The following ZNF225 variants were observed in gnomAD, a reference collection of about 807,000 sequenced individuals.
ZNF225 encodes zinc finger protein 225.
A neutral mutation model predicts 12.0 loss-of-function variants in ZNF225; 6 were observed. The ratio of observed to expected loss-of-function variants is 0.50; its 90% CI spans 0.27 to 0.98. The LOEUF is 0.98. Ranked by LOEUF, ZNF225 falls within the 50% of genes least tolerant of loss-of-function variation. ZNF225 has a pLI of 0.11. For missense variants in ZNF225, 763 were observed against 848.2 expected, an observed-to-expected ratio of 0.90 and a Z score of 1.25; for synonymous variants, 271 against 283.2, an observed-to-expected ratio of 0.96 and a Z score of 0.43.
intron 2 of ZNF225, 42 bp downstream of exon 2, chr19:44,115,884 T>G (rs1213795147): frequency 6.2e-7 from 1 of 1,604,332 alleles, no homozygotes; most frequent in East Asian, 2.2e-5. Context: ...ATTTCTTTTA[T>G]GGAGACTTGT....
intron 4 of ZNF225, among the ~76,000 whole-genome samples, chr19:44,127,422 T>A (rs1968170279): frequency 6.6e-6 from 1 of 152,176 alleles, no homozygotes; most frequent in Non-Finnish European, 1.5e-5. Flanking sequence ...GTCCACTTCC[T>A]TCAGAGGGTC....
Position 44,118,557 on chromosome 19 carries a change from A to G in ZNF225, c.218A>G (p.Gln73Arg), listed in dbSNP as rs759809853. ...EKFWMMETAT[Q>R]REGNLGGKIQ... is the part of the protein sequence containing the mutation. ...TTTTGGATGATGGAGACAGCAACCCAAAGAGAAGGGAATTTAGGTAAGAAG... is the reference window on the plus strand; with the variant it reads ...TTTTGGATGATGGAGACAGCAACCCGAAGAGAAGGGAATTTAGGTAAGAAG... Residue 73 changes from glutamine (Q) to arginine (R), a missense_variant, in exon 4 of 5, where the codon CAA becomes CGA. By Grantham distance (43) the Gln-to-Arg change is conservative (BLOSUM62 1). Coordinates refer to ENST00000262894, the MANE Select transcript of ZNF225 (RefSeq NM_013362.4). The G allele has an allele frequency of 2.5e-5, 41 of 1,612,816 alleles. No individual in the cohort carries two copies. In the Middle Eastern group the frequency reaches 8.2e-4, roughly 32 times the overall value.
chr19:44,130,570 C>T (rs949097813), intron 4 of ZNF225: 2 of 267,944 alleles, frequency 7.5e-6, no homozygotes, highest in Middle Eastern at 1.2e-3. Flanking sequence ...TGGTGGCGGG[C>T]GCCTATAGTC....
intron 2 of ZNF225, 79 bp from the exon 3 acceptor site, chr19:44,118,109 C>T (rs888866315): frequency 2.0e-6 from 3 of 1,484,448 alleles, no homozygotes; most frequent in Admixed American, 2.3e-5. Context: ...CTCATTCCTC[C>T]CCTCTGTCTG....
At chr19:44,123,223 T>A (rs1354594679) in intron 4 of ZNF225, among the ~76,000 whole-genome samples, 1 of 152,216 alleles carries the variant, frequency 6.6e-6, no homozygotes, top group African/African-American at 2.4e-5. Context: ...TTTTGTCAGA[T>A]GCTTTTTCTA....
chr19:44,118,140 A>G, intron 2 of ZNF225, 48 bp from the exon 3 acceptor site: 3 of 1,580,652 alleles, frequency 1.9e-6, no homozygotes, highest in South Asian at 1.2e-5. Context: ...CCCCTCTCTC[A>G]GTAGTCATTG....
chr19:44,122,532 A>T (rs1968074856), intron 4 of ZNF225, among the ~76,000 whole-genome samples: 1 of 152,204 alleles, frequency 6.6e-6, no homozygotes, highest in African/African-American at 2.4e-5. Context: ...AATTCTATGA[A>T]GAATGATGGT....
rs932918774 is a variant in ZNF225, at chr19:44,115,692, G to A, written c.-68-68G>A. The A allele has an allele frequency of 2.5e-5, 18 of 732,062 alleles. 1 individual carries two copies. The highest frequency in any genetic ancestry group is 4.2e-5 in the South Asian group (2 of 47,674). 45.3% of individuals were successfully genotyped at this position (732,062 alleles called of 1,614,324 possible). Reference sequence around the variant, plus strand: ...ATGTGTTAATTTACAATACACATTCGTGTTGGTGGATGGCATCCCTGGCCA... The same window carrying A: ...ATGTGTTAATTTACAATACACATTCATGTTGGTGGATGGCATCCCTGGCCA... On this transcript the variant is annotated intron_variant, in intron 1 of 4. Coordinates refer to ENST00000262894, the MANE Select transcript of ZNF225 (RefSeq NM_013362.4).
Position 44,134,419 on chromosome 19 carries a change from G to A in ZNF225, c.*1684G>A, listed in dbSNP as rs1968350120. 1 of 152,138 alleles carries A rather than the reference G, an allele frequency of 6.6e-6. No individual in the cohort carries two copies. The highest frequency in any genetic ancestry group is 2.4e-5 in the African/African-American group (1 of 41,432). 9.4% of individuals were successfully genotyped at this position (152,138 alleles called of 1,614,324 possible). A position where few individuals can be genotyped will look rare whatever the true frequency, so the allele number is the denominator to read the frequency against. ...TGGTGGCAACCCTCTCAAACTCCGT[G>A]TTTCCTAACACCAGCTAAAGGCCAG... On this transcript the variant is annotated 3_prime_UTR_variant, in exon 5 of 5. Transcript: ENST00000262894.
intron 4 of ZNF225, among the ~76,000 whole-genome samples, chr19:44,127,838 C>A (rs1027144896): frequency 2.6e-5 from 4 of 151,986 alleles, no homozygotes; most frequent in African/African-American, 9.7e-5. Flanking sequence ...GACAGAGTTT[C>A]ACCATGTTGG....
chr19:44,132,549 C>A lies in ZNF225; in HGVS notation c.1935C>A (p.Leu645=). The A allele has an allele frequency of 1.2e-6, 2 of 1,614,088 alleles. No homozygotes were observed. Among genetic ancestry groups the A allele is most frequent in the Middle Eastern group, 1.6e-4 (1 of 6,062 alleles). Residue 645 remains leucine, a synonymous_variant, in exon 5 of 5, where the codon CTC becomes CTA. Coordinates refer to ENST00000262894, the MANE Select transcript of ZNF225 (RefSeq NM_013362.4). ...CAACTCATCTAACCCATCAGAGACT[C>A]CACAGTAGAGAAAAACTACTTCAAT... ...WASTHLTHQR[L]HSREKLLQCE... is the part of the protein sequence containing the mutation.
intron 2 of ZNF225, among the ~76,000 whole-genome samples, chr19:44,116,462 A>T (rs777121938): frequency 2.6e-5 from 4 of 152,248 alleles, no homozygotes; most frequent in Non-Finnish European, 4.4e-5. Flanking sequence ...AAGGACAGTG[A>T]TAACCATAGT....
At position 44,121,710 on chromosome 19, in the gene ZNF225, G is replaced by A. The variant is rs143418738; in HGVS notation, c.235+3136G>A. ...ATTCTTGCAGGAGTAAGGTGGTATCGCATTGTGGTTTTGATTTGCATTTCC... is the reference window on the plus strand; with the variant it reads ...ATTCTTGCAGGAGTAAGGTGGTATCACATTGTGGTTTTGATTTGCATTTCC... On this transcript the variant is annotated intron_variant, in intron 4 of 4. Transcript: ENST00000262894. 5.7e-3 allele frequency among the ~76,000 whole-genome samples: 865 copies of A among 152,140 alleles called. 5 individuals are homozygous for A. The highest frequency in any genetic ancestry group is 0.024 in the South Asian group (116 of 4,818).
Position 44,131,087 on chromosome 19 carries a change from G to A in ZNF225, c.473G>A (p.Ser158Asn). ...GGTAGGACGTGTAAAAAGTCCTTTA[G>A]TGATGTCTCCGTCCTTGATCTTCAT... is the stretch of plus-strand genomic sequence containing the variant. ...SEGRTCKKSF[S>N]DVSVLDLHQQ... The change falls in exon 5 of 5, where the codon AGT becomes AAT. Residue 158 changes from serine to asparagine, a missense_variant. By Grantham distance (46) the Ser-to-Asn change is conservative. Coordinates refer to ENST00000262894, the MANE Select transcript of ZNF225 (RefSeq NM_013362.4). The A allele has an allele frequency of 2.5e-6, 4 of 1,614,142 alleles. No individual in the cohort carries two copies. The highest frequency in any genetic ancestry group is 3.4e-6 in the Non-Finnish European group (4 of 1,179,972).
At chr19:44,115,935 C>A in intron 2 of ZNF225, 93 bp downstream of exon 2, 2 of 1,322,794 alleles carry the variant, frequency 1.5e-6, no homozygotes, top group South Asian at 1.3e-5. Context: ...GATTTTGGCT[C>A]ATTGCAACCT....
intron 2 of ZNF225, among the ~76,000 whole-genome samples, chr19:44,117,716 T>C (rs2147554231): frequency 6.6e-6 from 1 of 152,218 alleles, no homozygotes; most frequent in South Asian, 2.1e-4. Flanking sequence ...ACAGACAGAA[T>C]GAATAGCAAA....
intron 1 of ZNF225, chr19:44,114,015 G>A: frequency 3.1e-6 from 1 of 318,422 alleles, no homozygotes; most frequent in Non-Finnish European, 5.8e-6. Flanking sequence ...CAAGACGCTG[G>A]GTGATCCCGG....
At chr19:44,121,860 G>C (rs572446781) in intron 4 of ZNF225, among the ~76,000 whole-genome samples, 3 of 152,034 alleles carry the variant, frequency 2.0e-5, no homozygotes, top group Admixed American at 6.5e-5. Flanking sequence ...TTTTCTTACT[G>C]ATTTGTTTGA....
Position 44,118,267 on chromosome 19 carries a change from T to G in ZNF225, c.95T>G (p.Leu32Arg), listed in dbSNP as rs780261904. ...CTGCTGGACCTTGCCCAGAGGAAACTGTACCGAGAAGTGATGCTGGAGAAC... is the reference window on the plus strand; with the variant it reads ...CTGCTGGACCTTGCCCAGAGGAAACGGTACCGAGAAGTGATGCTGGAGAAC... ...LRLLDLAQRK[L>R]YREVMLENFR... The change falls in exon 3 of 5, where the codon CTG (leucine) becomes CGG (arginine). Residue 32 changes from leucine (L) to arginine (R), a missense_variant. Leu to Arg is a moderately radical substitution (Grantham distance 102). Coordinates refer to ENST00000262894, the MANE Select transcript of ZNF225 (RefSeq NM_013362.4). 3 of 1,613,454 alleles carry G rather than the reference T, an allele frequency of 1.9e-6. No homozygotes were observed. In the Admixed American group the frequency reaches 5.0e-5, roughly 27 times the overall value.
Sources: allele counts gnomAD v4.1 joint callset (sites outside exome capture counted in the v4.1 genomes callset), GRCh38; gene constraint gnomAD v4.1.1; transcripts MANE v1.5; gene names NCBI Gene and HGNC (gene_info 2026-07-23, HGNC 2026-07-21).